MMRN1: variants seen among roughly 807,000 people sequenced by gnomAD.
MMRN1 encodes the protein multimerin-1.
MMRN1 carries 94 observed loss-of-function variants against 100.7 expected under a neutral mutation model. That is an observed-to-expected ratio of 0.93 (90% CI 0.79 to 1.11). The LOEUF is 1.11. Among genes scored for constraint, MMRN1 ranks in the 50% least tolerant of loss-of-function variants. The pLI, the probability that MMRN1 is intolerant of heterozygous loss-of-function variation, is 0.00. For synonymous variants in MMRN1, 575 were observed against 505.0 expected, an observed-to-expected ratio of 1.14 and a Z score of -1.86; for missense variants, 1,606 against 1,439.1, an observed-to-expected ratio of 1.12 and a Z score of -1.88.
intron 3 of MMRN1, among the ~76,000 whole-genome samples, chr4:89,913,622 A>G (rs764755389): frequency 2.6e-5 from 4 of 151,300 alleles, no homozygotes; most frequent in Non-Finnish European, 5.9e-5. Flanking sequence ...TATGATATGA[A>G]ATATTTATGA....
chr4:89,926,819 A>G (rs1722278852), intron 4 of MMRN1, among the ~76,000 whole-genome samples: 1 of 152,150 alleles, frequency 6.6e-6, no homozygotes, highest in Non-Finnish European at 1.5e-5. Flanking sequence ...ATAGTAAGAG[A>G]CAGAGGTCTA....
In MMRN1 at chr4:89,911,835, T is replaced by G; in HGVS notation, c.744-109T>G. ...ATTATAACAGCCGATACTAAATAAA[T>G]GCTTGTTATATTGTAGGCATTGCCC... On this transcript the variant is annotated intron_variant, in intron 2 of 7. Coordinates refer to ENST00000264790, the MANE Select transcript of MMRN1 (RefSeq NM_007351.3). 2.5e-5 allele frequency: 17 copies of G among 666,718 alleles called. No individual in the cohort carries two copies. In the South Asian group the frequency reaches 3.1e-4, roughly 12 times the overall value. 41.3% of individuals were successfully genotyped at this position (666,718 alleles called of 1,614,324 possible).
chr4:89,923,694 G>A (rs1027302337), intron 4 of MMRN1, among the ~76,000 whole-genome samples: 2 of 152,190 alleles, frequency 1.3e-5, no homozygotes, highest in South Asian at 4.1e-4. Flanking sequence ...TGATCCCTAA[G>A]AAATGGGATT....
chr4:89,945,874 A>C (rs1413659496), intron 6 of MMRN1, among the ~76,000 whole-genome samples: 1 of 152,224 alleles, frequency 6.6e-6, no homozygotes, highest in Admixed American at 6.5e-5. Context: ...GTGTGATATA[A>C]AAAGAATACC....
At chr4:89,919,741 G>C (rs1722030458) in intron 3 of MMRN1, among the ~76,000 whole-genome samples, 2 of 151,970 alleles carry the variant, frequency 1.3e-5, no homozygotes, top group South Asian at 4.1e-4. Flanking sequence ...TCATACTCAA[G>C]ATACCCGAAA....
At chr4:89,907,473 T>C (rs906196000) in intron 1 of MMRN1, among the ~76,000 whole-genome samples, 9 of 151,576 alleles carry the variant, frequency 5.9e-5, no homozygotes, top group Admixed American at 2.0e-4. Context: ...TTTTACTTTG[T>C]GTTTATCCTC....
Position 89,935,637 on chromosome 4 carries a change from C to G in MMRN1, c.1957C>G (p.Leu653Val). 1 of 1,613,428 alleles carries G rather than the reference C, an allele frequency of 6.2e-7. No individual in the cohort carries two copies. Residue 653 changes from leucine to valine, a missense_variant, in exon 6 of 8, where the codon CTT becomes GTT. Transcript: ENST00000264790. The stretch of plus-strand genomic sequence containing the variant: ...TGATATGGAGATCCTTCAACCCTTG[C>G]TTGAGCAGGGAGCATCACTCAGACA... ...TYDMEILQPLLEQGASLRQTM... is the reference protein window; with the variant it reads ...TYDMEILQPLVEQGASLRQTM...
Position 89,954,556 on chromosome 4 carries a change from GACA to G in MMRN1, c.*1141_*1143del, listed in dbSNP as rs915704358. 6.6e-6 allele frequency: 1 copy of G among 151,988 alleles called. No individual in the cohort carries two copies. The highest frequency in any genetic ancestry group is 2.4e-5 in the African/African-American group (1 of 41,384). 9.4% of individuals were successfully genotyped at this position (151,988 alleles called of 1,614,324 possible). Reference sequence around the variant, plus strand: ...TTAAAAATACATTCCTTGGATATCTGACAACGTGTTTCTGAAAAACAGATTTTC... The same window carrying G: ...TTAAAAATACATTCCTTGGATATCTGACGTGTTTCTGAAAAACAGATTTTC... On this transcript the variant is annotated 3_prime_UTR_variant, in exon 8 of 8. Transcript: ENST00000264790.
intron 1 of MMRN1, among the ~76,000 whole-genome samples, chr4:89,903,506 A>G (rs368326381): frequency 1.3e-5 from 2 of 151,882 alleles, no homozygotes; most frequent in African/African-American, 4.8e-5. Flanking sequence ...GAAGCAAAAC[A>G]GGAGCTGTGT....
chr4:89,918,786 A>G (rs983057129), intron 3 of MMRN1, among the ~76,000 whole-genome samples: 9 of 151,866 alleles, frequency 5.9e-5, no homozygotes, highest in Non-Finnish European at 1.2e-4. Flanking sequence ...GGCTTCACCT[A>G]TGTAAAAAAT....
chr4:89,894,097 A>G (rs1200147432), upstream of MMRN1, among the ~76,000 whole-genome samples: 2 of 152,036 alleles, frequency 1.3e-5, no homozygotes, highest in Non-Finnish European at 1.5e-5. Flanking sequence ...TTCTTCATCT[A>G]TCCCTTACTA....
rs774347853 is a variant in MMRN1, at chr4:89,923,237, C to T, written c.920C>T (p.Ala307Val). ...ESHTAVGRGV[A>V]EQQQQQGCGD... is the part of the protein sequence containing the mutation. ...CATACAGCTGTTGGCAGAGGAGTAGCTGAGCAGCAGCAGCAGCAAGGCTGT... is the reference window on the plus strand; with the variant it reads ...CATACAGCTGTTGGCAGAGGAGTAGTTGAGCAGCAGCAGCAGCAAGGCTGT... The change falls in exon 4 of 8, where the codon GCT (alanine) becomes GTT (valine). Residue 307 changes from alanine (A) to valine (V), a missense_variant. Ala to Val is a moderately conservative substitution (Grantham distance 64). Transcript: ENST00000264790. The T allele has an allele frequency of 4.3e-6, 7 of 1,613,968 alleles. No homozygotes were observed. The South Asian group carries it at 7.7e-5, about 18-fold the overall frequency.
At chr4:89,931,998 G>A (rs1261260222) in intron 5 of MMRN1, among the ~76,000 whole-genome samples, 1 of 152,118 alleles carries the variant, frequency 6.6e-6, no homozygotes, top group Non-Finnish European at 1.5e-5. Flanking sequence ...AGAGTCCACA[G>A]TCTGAAATCT....
intron 6 of MMRN1, among the ~76,000 whole-genome samples, chr4:89,951,215 A>G (rs749858580): frequency 6.6e-6 from 1 of 152,164 alleles, no homozygotes; most frequent in African/African-American, 2.4e-5. Flanking sequence ...ATATATATTC[A>G]ATACCACCTT....
chr4:89,944,638 A>G (rs11934288), intron 6 of MMRN1, among the ~76,000 whole-genome samples: 4,934 of 152,252 alleles, frequency 0.032, 242 homozygotes, highest in African/African-American at 0.11. Context: ...TAAGACGGCT[A>G]TAATCATCTA....
chr4:89,936,501 C>A lies in MMRN1; in HGVS notation c.2821C>A (p.Leu941Met). The change falls in exon 6 of 8, where the codon CTG becomes ATG. Residue 941 changes from leucine to methionine, a missense_variant. By Grantham distance (15) the Leu-to-Met change is conservative. Coordinates refer to ENST00000264790, the MANE Select transcript of MMRN1 (RefSeq NM_007351.3). ...CAATGCTTCTACAAGTGTGTCAGAA[C>A]TGAATGCTACCATCCCTAAGTGGAT... ...CHNASTSVSE[L>M]NATIPKWIKH... The A allele has an allele frequency of 6.2e-7, 1 of 1,613,282 alleles. No individual in the cohort carries two copies. The highest frequency in any genetic ancestry group is 8.5e-7 in the Non-Finnish European group (1 of 1,179,694).
intron 1 of MMRN1, among the ~76,000 whole-genome samples, chr4:89,888,677 A>G (rs570645191): frequency 9.2e-5 from 14 of 151,948 alleles, no homozygotes; most frequent in Admixed American, 3.9e-4. Flanking sequence ...CTTCTGACCT[A>G]TTTTCAAGCT....
chr4:89,893,290 A>T (rs976383815), upstream of MMRN1, among the ~76,000 whole-genome samples: 3 of 151,954 alleles, frequency 2.0e-5, no homozygotes, highest in African/African-American at 7.2e-5. Flanking sequence ...GTTGCTGATG[A>T]TTGTCTTAGT....
At chr4:89,885,806 C>T (rs1028971435) in intron 1 of MMRN1, among the ~76,000 whole-genome samples, 1 of 151,912 alleles carries the variant, frequency 6.6e-6, no homozygotes, top group Non-Finnish European at 1.5e-5. Flanking sequence ...TGCTAACGGT[C>T]AATTAATCAT....
Sources: gnomAD v4.1 joint callset for allele counts (sites outside exome capture counted in the v4.1 genomes callset) on GRCh38, gnomAD v4.1.1 for gene constraint, MANE v1.5 for transcripts, NCBI Gene and HGNC (gene_info 2026-07-23, HGNC 2026-07-21) for gene names.